CERS6: variants seen among roughly 807,000 people sequenced by gnomAD.
CERS6 encodes ceramide synthase 6.
A neutral mutation model predicts 56.8 loss-of-function variants in CERS6; 26 were observed. The observed-to-expected ratio is 0.46, with a 90% CI of 0.34 to 0.63. CERS6 has a LOEUF of 0.63. Among genes scored for constraint, CERS6 ranks in the 30% least tolerant of loss-of-function variants. The pLI is 0.01. For synonymous variants in CERS6, 164 were observed against 173.3 expected (o/e 0.95, Z 0.42); for missense variants, 415 against 467.5 (o/e 0.89, Z 1.04).
chr2:168,748,980 C>T (rs1460477511), intron 8 of CERS6, among the ~76,000 whole-genome samples: 1 of 151,044 alleles, frequency 6.6e-6, no homozygotes, highest in Non-Finnish European at 1.5e-5. Context: ...CTGCCTCCCC[C>T]ATCCCTTCCT....
At chr2:168,750,681 T>A (rs557395659) in intron 8 of CERS6, among the ~76,000 whole-genome samples, 2 of 152,356 alleles carry the variant, frequency 1.3e-5, no homozygotes, top group Admixed American at 6.5e-5. Flanking sequence ...TCCAGTGGCT[T>A]GCTATTATAA....
chr2:168,601,135 G>T (rs1301150303), intron 3 of CERS6, among the ~76,000 whole-genome samples: 1 of 152,174 alleles, frequency 6.6e-6, no homozygotes, highest in Non-Finnish European at 1.5e-5. Flanking sequence ...AAATTGGATA[G>T]ATGTGCACCA....
At chr2:168,703,163 T>G (rs1416307542) in intron 6 of CERS6, among the ~76,000 whole-genome samples, 1 of 152,224 alleles carries the variant, frequency 6.6e-6, no homozygotes, top group East Asian at 1.9e-4. Context: ...GATATAGTCC[T>G]CATAAACAAA....
chr2:168,597,272 T>C (rs1233233825), intron 3 of CERS6, among the ~76,000 whole-genome samples: 4 of 152,168 alleles, frequency 2.6e-5, no homozygotes. Context: ...ATTGCATGCT[T>C]GTAAAAAGTA....
intron 8 of CERS6, among the ~76,000 whole-genome samples, chr2:168,756,976 TTCC>T (rs1684431078): frequency 6.6e-6 from 1 of 152,194 alleles, no homozygotes; most frequent in South Asian, 2.1e-4. Context: ...CTAAGCGCAG[TTCC>T]TAACACATAG....
intron 3 of CERS6, among the ~76,000 whole-genome samples, chr2:168,606,084 T>G (rs978731142): frequency 3.3e-5 from 5 of 152,206 alleles, no homozygotes; most frequent in African/African-American, 9.6e-5. Flanking sequence ...CAGTGCTCAC[T>G]GCCAGCCCTG....
intron 1 of CERS6, among the ~76,000 whole-genome samples, chr2:168,475,343 TG>T (rs2105328151): frequency 6.6e-6 from 1 of 152,272 alleles, no homozygotes; most frequent in East Asian, 1.9e-4. Flanking sequence ...GCATCACCAA[TG>T]AGTAGTTGAG....
rs374326829 is a variant in CERS6, at chr2:168,694,935, T to A, written c.517-24T>A. 39 of 1,581,678 alleles carry A rather than the reference T, an allele frequency of 2.5e-5. No individual in the cohort carries two copies. The South Asian group carries it at 4.2e-4, about 17-fold the overall frequency. On this transcript the variant is annotated intron_variant, in intron 5 of 9. Transcript: ENST00000305747. ...GGGTTCCCTATTAACTACTAATCAT[T>A]CCTTTTTTTTCTTTCACCTTCAGCC...
At chr2:168,594,313 A>G (rs1427996074) in intron 3 of CERS6, among the ~76,000 whole-genome samples, 1 of 152,166 alleles carries the variant, frequency 6.6e-6, no homozygotes, top group African/African-American at 2.4e-5. Flanking sequence ...AAATTCATTC[A>G]TGGGTTCATG....
chr2:168,456,331 G>GGGC lies in CERS6; in HGVS notation c.-118_-117insGGC, dbSNP rs1553481285. The GGGC allele has an allele frequency of 2.7e-3, 1,498 of 556,872 alleles. 5 individuals are homozygous for GGGC. Among genetic ancestry groups the GGGC allele is most frequent in the Non-Finnish European group, 3.5e-3 (1,398 of 402,696 alleles). The allele number at this position is 556,872 out of a possible 1,614,324, so 34.5% of individuals were successfully genotyped here. On this transcript the variant is annotated 5_prime_UTR_variant, in exon 1 of 10. Transcript: ENST00000305747. The surrounding 1 kb of genome is among the most constrained non-coding windows in gnomAD (Gnocchi z 4.1). ...CGGAGGAGGCGGCGGCGGCGGGCGGGAGCAGCGGCGGCGGCGGCACAGGCT... is the reference window on the plus strand; with the variant it reads ...CGGAGGAGGCGGCGGCGGCGGGCGGGGGCAGCAGCGGCGGCGGCGGCACAGGCT...
intron 3 of CERS6, among the ~76,000 whole-genome samples, 194 bp downstream of exon 3, chr2:168,561,516 A>G (rs1336234888): frequency 6.6e-6 from 1 of 152,178 alleles, no homozygotes; most frequent in African/African-American, 2.4e-5. Context: ...CAGTAAATAA[A>G]TTTCACTTCT....
At chr2:168,543,931 T>C (rs557974261) in intron 1 of CERS6, among the ~76,000 whole-genome samples, 1 of 152,276 alleles carries the variant, frequency 6.6e-6, no homozygotes, top group East Asian at 1.9e-4. Flanking sequence ...TGAGTAGATG[T>C]GGATATTCAA....
rs1467012286 is a variant in CERS6 at position 168,630,993 on chromosome 2, T to G, written c.416T>G (p.Phe139Cys). Residue 139 changes from phenylalanine (F) to cysteine (C), a missense_variant, in exon 4 of 10, where the codon TTT becomes TGT. By Grantham distance (205) the Phe-to-Cys change is radical. Coordinates refer to ENST00000305747, the MANE Select transcript of CERS6 (RefSeq NM_203463.3). ...LTRFCESMWR[F>C]SFYLYVFTYG... ...TTTTTAACCTTCTACAGGTGGAGAT[T>G]TTCATTTTACCTTTATGTATTTACC... 2 of 1,521,204 alleles carry G rather than the reference T, an allele frequency of 1.3e-6. No individual in the cohort carries two copies. Among genetic ancestry groups the G allele is most frequent in the Non-Finnish European group, 1.8e-6 (2 of 1,114,094 alleles). The allele number at this position is 1,521,204 out of a possible 1,614,324, so 94.2% of individuals were successfully genotyped here.
At chr2:168,728,389 T>C (rs1683413482) in intron 8 of CERS6, among the ~76,000 whole-genome samples, 1 of 38,742 alleles carries the variant, frequency 2.6e-5, no homozygotes, top group Non-Finnish European at 8.3e-5. Context: ...CAACTACTCT[T>C]TTTTTTTTTT....
At chr2:168,714,001 A>T (rs13386271) in intron 6 of CERS6, among the ~76,000 whole-genome samples, 4,528 of 152,272 alleles carry the variant, frequency 0.03, 85 homozygotes, top group Non-Finnish European at 0.045. Flanking sequence ...AACAACAGAA[A>T]TTGATTTCTT....
chr2:168,547,450 A>T, intron 1 of CERS6, 146 bp from the exon 2 acceptor site: 1 of 566,088 alleles, frequency 1.8e-6, no homozygotes, highest in Non-Finnish European at 3.2e-6. Flanking sequence ...CCTTACAGTT[A>T]CTGACAGGAG....
Position 168,456,307 on chromosome 2 carries a change from G to T in CERS6, c.-142G>T. On this transcript the variant is annotated 5_prime_UTR_variant, in exon 1 of 10. Coordinates refer to ENST00000305747, the MANE Select transcript of CERS6 (RefSeq NM_203463.3). This position sits in a 1 kb window ranked among gnomAD's most constrained non-coding sequence, Gnocchi z 4.1. ...GCGAGCCTTCGAGAGCAGCGGCCGC[G>T]GAGGAGGCGGCGGCGGCGGGCGGGA... 1 of 327,210 alleles carries T rather than the reference G, an allele frequency of 3.1e-6. No individual in the cohort carries two copies. The highest frequency in any genetic ancestry group is 4.8e-6 in the Non-Finnish European group (1 of 209,306). 20.3% of individuals were successfully genotyped at this position (327,210 alleles called of 1,614,324 possible).
At chr2:168,763,300 G>A (rs1224210457) in intron 8 of CERS6, among the ~76,000 whole-genome samples, 2 of 140,122 alleles carry the variant, frequency 1.4e-5, no homozygotes, top group African/African-American at 5.2e-5. Flanking sequence ...GGAGTGTAGT[G>A]GTACGATCTT....
At chr2:168,744,080 A>ACTG (rs1684017766) in intron 8 of CERS6, among the ~76,000 whole-genome samples, 1 of 132,054 alleles carries the variant, frequency 7.6e-6, no homozygotes, top group South Asian at 2.3e-4. Context: ...ATCTGGGCTC[A>ACTG]CTGCAAGCTC....
Sources: gnomAD v4.1 joint callset for allele counts (sites outside exome capture counted in the v4.1 genomes callset) on GRCh38, gnomAD v4.1.1 for gene constraint, Gnocchi (gnomAD v3.1) non-coding constraint, MANE v1.5 for transcripts, NCBI Gene and HGNC (gene_info 2026-07-23, HGNC 2026-07-21) for gene names.